PSPC1: variants seen among roughly 807,000 people sequenced by gnomAD.
PSPC1 encodes the protein paraspeckle component 1.
In PSPC1, 14 loss-of-function variants were observed where a neutral mutation model predicts 51.6. The ratio of observed to expected loss-of-function variants is 0.27; its 90% CI spans 0.18 to 0.42. PSPC1 has a LOEUF of 0.42. Ranked by LOEUF, PSPC1 falls within the 10% of genes least tolerant of loss-of-function variation. The pLI, the probability that PSPC1 is intolerant of heterozygous loss-of-function variation, is 1.00. For synonymous variants in PSPC1, 193 were observed against 231.9 expected, an observed-to-expected ratio of 0.83 and a Z score of 1.53; for missense variants, 406 against 701.1, an observed-to-expected ratio of 0.58 and a Z score of 4.75.
At chr13:19,698,744 C>T (rs1035675110), downstream of PSPC1, among the ~76,000 whole-genome samples, 2 of 151,800 alleles carry the variant, frequency 1.3e-5, no homozygotes, top group African/African-American at 4.8e-5. Flanking sequence ...CAGGATCTTT[C>T]GCAGAGGAGG....
At chr13:19,777,164 G>A (rs1394843141) in intron 1 of PSPC1, among the ~76,000 whole-genome samples, 1 of 131,574 alleles carries the variant, frequency 7.6e-6, no homozygotes, top group East Asian at 2.5e-4. Flanking sequence ...GCTCACACCT[G>A]TACACCTGTA....
chr13:19,755,042 G>A (rs1220176232), intron 3 of PSPC1, among the ~76,000 whole-genome samples: 1 of 151,912 alleles, frequency 6.6e-6, no homozygotes, highest in African/African-American at 2.4e-5. Flanking sequence ...AGACCACGCT[G>A]AGCAACATGA....
intron 2 of PSPC1, among the ~76,000 whole-genome samples, chr13:19,771,686 T>C (rs946978034): frequency 2.0e-5 from 3 of 151,950 alleles, no homozygotes; most frequent in South Asian, 2.1e-4. Context: ...AGTGGCATGA[T>C]CTCGGCTCAC....
chr13:19,739,395 C>T (rs777577015), intron 5 of PSPC1, among the ~76,000 whole-genome samples: 3 of 152,096 alleles, frequency 2.0e-5, no homozygotes, highest in Non-Finnish European at 4.4e-5. Flanking sequence ...GAGGAAAAAG[C>T]TAGATTCAGG....
At chr13:19,722,257 G>C (rs540436343) in intron 6 of PSPC1, among the ~76,000 whole-genome samples, 1 of 152,054 alleles carries the variant, frequency 6.6e-6, no homozygotes, top group Non-Finnish European at 1.5e-5. Flanking sequence ...AGCACTTTGG[G>C]AGGCAGAGGC....
At chr13:19,695,539 A>G (rs1449506902) in intron 6 of PSPC1, among the ~76,000 whole-genome samples, 2 of 152,186 alleles carry the variant, frequency 1.3e-5, no homozygotes, top group Non-Finnish European at 2.9e-5. Context: ...ATCATCATGC[A>G]TAAATCTACA....
At chr13:19,729,259 G>A (rs1201456781) in intron 6 of PSPC1, among the ~76,000 whole-genome samples, 27 of 152,224 alleles carry the variant, frequency 1.8e-4, no homozygotes, top group Admixed American at 1.8e-3. Context: ...AATGTCGGCT[G>A]GGCATGGTGG....
intron 7 of PSPC1, among the ~76,000 whole-genome samples, chr13:19,706,649 G>C (rs531670782): frequency 4.6e-5 from 7 of 151,880 alleles, no homozygotes; most frequent in Non-Finnish European, 1.0e-4. Flanking sequence ...GATGATCTCA[G>C]ATACAACACA....
downstream of PSPC1, chr13:19,671,417 AGTGATGCTAG>A (rs1876119426): frequency 1.6e-5 from 12 of 740,602 alleles, no homozygotes; most frequent in Non-Finnish European, 2.3e-5. Flanking sequence ...TCCCTGGGGT[AGTGATGCTAG>A]GTGCACCCTC....
intron 3 of PSPC1, among the ~76,000 whole-genome samples, chr13:19,752,926 G>A (rs1334214576): frequency 2.0e-5 from 3 of 151,904 alleles, no homozygotes; most frequent in Admixed American, 6.6e-5. Flanking sequence ...TGGAGGTGTT[G>A]CTTTGGGTTT....
At position 19,692,095 on chromosome 13, in the gene PSPC1, A is replaced by G. The variant is rs1051650071; in HGVS notation, c.1159-14272T>C. On this transcript the variant is annotated intron_variant and NMD_transcript_variant, in intron 6 of 7. Coordinates refer to the PSPC1 transcript ENST00000471658. ...AGATGGGAAACTACTGTTTGAAAAG[A>G]AAAGGAAGCAGAATCTGAGTCATGT... Among the ~76,000 whole-genome samples, 8 of 152,268 alleles carry G rather than the reference A, an allele frequency of 5.3e-5. No individual in the cohort carries two copies. In the South Asian group the frequency reaches 1.2e-3, roughly 24 times the overall value.
At position 19,782,342 on chromosome 13, in the gene PSPC1, C is replaced by G. The variant is rs1355123377; in HGVS notation, c.372+44G>C. The G allele has an allele frequency of 4.6e-6, 7 of 1,529,950 alleles. No individual in the cohort carries two copies. The highest frequency in any genetic ancestry group is 6.1e-6 in the Non-Finnish European group (7 of 1,139,782). 94.8% of individuals were successfully genotyped at this position (1,529,950 alleles called of 1,614,324 possible). A position where few individuals can be genotyped will look rare whatever the true frequency, so the allele number is the denominator to read the frequency against. On this transcript the variant is annotated intron_variant, in intron 1 of 8. Coordinates refer to ENST00000338910, the MANE Select transcript of PSPC1 (RefSeq NM_001354909.2). This position sits in a 1 kb window ranked among gnomAD's most constrained non-coding sequence, Gnocchi z 4.5. ...CTCAGCCCCACGACCCCGCGGCCAC[C>G]CCGACAGTCCTTTTGTTCCCTCGCG...
At position 19,690,345 on chromosome 13, in the gene PSPC1, T is replaced by C. The variant is rs530734930; in HGVS notation, c.1159-12522A>G. On this transcript the variant is annotated intron_variant and NMD_transcript_variant, in intron 6 of 7. Transcript: ENST00000471658. ...GGATAATCACATCAACAATGAGTTC[T>C]AGTTGCTACATTTTGCTAGAAGACC... Among the ~76,000 whole-genome samples, 53 of 152,374 alleles carry C rather than the reference T, an allele frequency of 3.5e-4. 1 individual carries two copies. The highest frequency in any genetic ancestry group is 1.1e-3 in the African/African-American group (46 of 41,596).
intron 6 of PSPC1, among the ~76,000 whole-genome samples, chr13:19,716,932 G>A (rs1272664097): frequency 6.6e-6 from 1 of 152,096 alleles, no homozygotes; most frequent in African/African-American, 2.4e-5. Context: ...GCTCACTCCT[G>A]TAACCTCAGC....
intron 5 of PSPC1, among the ~76,000 whole-genome samples, chr13:19,738,129 T>C (rs1593668309): frequency 6.6e-6 from 1 of 152,152 alleles, no homozygotes; most frequent in East Asian, 1.9e-4. Flanking sequence ...ATACAGTATA[T>C]GTATACATAT....
intron 5 of PSPC1, among the ~76,000 whole-genome samples, chr13:19,738,401 C>G (rs1227953623): frequency 1.3e-5 from 2 of 152,106 alleles, no homozygotes; most frequent in African/African-American, 4.8e-5. Flanking sequence ...GTGTAGTATT[C>G]GCATATAACC....
chr13:19,688,316 G>C (rs994479740), intron 6 of PSPC1, among the ~76,000 whole-genome samples: 1 of 151,998 alleles, frequency 6.6e-6, no homozygotes, highest in Non-Finnish European at 1.5e-5. Flanking sequence ...GATTCTTACA[G>C]ATAATACTAG....
chr13:19,699,814 T>G (rs1168993659), downstream of PSPC1, among the ~76,000 whole-genome samples: 1 of 152,048 alleles, frequency 6.6e-6, no homozygotes, highest in Admixed American at 6.6e-5. Flanking sequence ...ATTTACTGCC[T>G]TATTCTTGAA....
intron 3 of PSPC1, among the ~76,000 whole-genome samples, chr13:19,758,052 C>T (rs1242982264): frequency 2.6e-5 from 4 of 152,092 alleles, no homozygotes; most frequent in South Asian, 2.1e-4. Context: ...CGGTGGCTCA[C>T]GCCTGTAATC....
Sources: gnomAD v4.1 joint callset for allele counts (sites outside exome capture counted in the v4.1 genomes callset) on GRCh38, gnomAD v4.1.1 for gene constraint, Gnocchi (gnomAD v3.1) non-coding constraint, MANE v1.5 for transcripts, NCBI Gene and HGNC (gene_info 2026-07-23, HGNC 2026-07-21) for gene names.